SLC4A4: variants seen among roughly 807,000 people sequenced by gnomAD.
SLC4A4 encodes the protein electrogenic sodium bicarbonate cotransporter 1.
SLC4A4 carries 27 observed loss-of-function variants against 111.5 expected under a neutral mutation model. The observed-to-expected ratio is 0.24, with a 90% CI of 0.18 to 0.33. The LOEUF (loss-of-function observed/expected upper bound fraction) is 0.33, where lower values mean the gene tolerates loss of function less well. Ranked by LOEUF, SLC4A4 falls within the 10% of genes least tolerant of loss-of-function variation. SLC4A4 has a pLI of 1.00. For synonymous variants in SLC4A4, 443 were observed against 463.4 expected, an observed-to-expected ratio of 0.96 and a Z score of 0.57; for missense variants, 909 against 1,315.5, an observed-to-expected ratio of 0.69 and a Z score of 4.78.
chr4:71,424,511 A>C (rs1454216055), intron 7 of SLC4A4, among the ~76,000 whole-genome samples: 2 of 152,040 alleles, frequency 1.3e-5, no homozygotes, highest in African/African-American at 4.8e-5. Context: ...AAAGGACTAT[A>C]AATCATGCTG....
chr4:71,152,615 T>G (rs919903904), intron 2 of SLC4A4, among the ~76,000 whole-genome samples: 4 of 152,190 alleles, frequency 2.6e-5, no homozygotes, highest in African/African-American at 9.6e-5. Flanking sequence ...TTCACTATTA[T>G]GACCTGAGGT....
intron 3 of SLC4A4, among the ~76,000 whole-genome samples, chr4:71,336,614 T>C (rs1421408230): frequency 6.6e-6 from 1 of 152,186 alleles, no homozygotes; most frequent in Non-Finnish European, 1.5e-5. Context: ...ACTGTCATGC[T>C]CTCTAAATGT....
intron 16 of SLC4A4, among the ~76,000 whole-genome samples, chr4:71,504,735 T>C (rs983620526): frequency 6.6e-6 from 1 of 151,978 alleles, no homozygotes; most frequent in Non-Finnish European, 1.5e-5. Flanking sequence ...CAACCTCTAT[T>C]CTAATTCAGG....
intron 2 of SLC4A4, among the ~76,000 whole-genome samples, chr4:71,112,042 A>T (rs1419286762): frequency 1.3e-5 from 2 of 152,176 alleles, no homozygotes; most frequent in Non-Finnish European, 2.9e-5. Context: ...TTGACCAAGT[A>T]AGGAGTTGAG....
intron 1 of SLC4A4, among the ~76,000 whole-genome samples, chr4:71,219,171 G>A (rs555149030): frequency 1.3e-5 from 2 of 152,324 alleles, no homozygotes; most frequent in South Asian, 2.1e-4. Flanking sequence ...CATCTCAAAA[G>A]CCAAGATAGG....
At chr4:71,308,916 G>C (rs546979199) in intron 3 of SLC4A4, among the ~76,000 whole-genome samples, 1 of 152,166 alleles carries the variant, frequency 6.6e-6, no homozygotes, top group Non-Finnish European at 1.5e-5. Context: ...TGAAGCCAGG[G>C]AGCCAAGTGA....
chr4:71,413,270 A>C (rs141890237), intron 7 of SLC4A4, among the ~76,000 whole-genome samples: 1 of 152,294 alleles, frequency 6.6e-6, no homozygotes, highest in Non-Finnish European at 1.5e-5. Flanking sequence ...TGCTGGGGCC[A>C]TATGTTCCCT....
At position 71,215,501 on chromosome 4, in the gene SLC4A4, C is replaced by T. The variant is rs188388692; in HGVS notation, c.-1-21075C>T. Among the ~76,000 whole-genome samples the T allele has an allele frequency of 7.5e-4, 114 of 152,334 alleles. 1 individual carries two copies. Among genetic ancestry groups the T allele is most frequent in the Non-Finnish European group, 1.2e-3 (79 of 68,036 alleles). ...GATCCTCCAGGAAGGCTCCATCCAC[C>T]TCGTTCCTTTCCCAGGTTCATAAGG... On this transcript the variant is annotated intron_variant, in intron 1 of 25. Transcript: ENST00000264485.
intron 6 of SLC4A4, among the ~76,000 whole-genome samples, chr4:71,367,379 A>G (rs1731431637): frequency 6.6e-6 from 1 of 152,316 alleles, no homozygotes; most frequent in Admixed American, 6.5e-5. Flanking sequence ...TTTCCTTTGT[A>G]TTATCAGCTT....
intron 1 of SLC4A4, among the ~76,000 whole-genome samples, chr4:71,191,196 A>G (rs998857352): frequency 3.9e-5 from 6 of 152,204 alleles, no homozygotes; most frequent in Admixed American, 1.3e-4. Flanking sequence ...TTGACTTGCA[A>G]TATTTTCAAT....
chr4:71,396,501 C>T (rs1719833013), intron 6 of SLC4A4, among the ~76,000 whole-genome samples: 1 of 152,202 alleles, frequency 6.6e-6, no homozygotes, highest in Admixed American at 6.5e-5. Flanking sequence ...TATGTTAGAA[C>T]TTCGGTGCTT....
intron 18 of SLC4A4, among the ~76,000 whole-genome samples, chr4:71,537,875 C>T (rs572161271): frequency 6.6e-5 from 10 of 152,154 alleles, no homozygotes; most frequent in Admixed American, 2.0e-4. Context: ...AGGATTGGCA[C>T]GGTCTCTCTC....
At chr4:71,309,379 A>G (rs1725952462) in intron 3 of SLC4A4, among the ~76,000 whole-genome samples, 1 of 152,210 alleles carries the variant, frequency 6.6e-6, no homozygotes, top group Non-Finnish European at 1.5e-5. Flanking sequence ...GAGCTCTGCT[A>G]AGGGACAGAC....
intron 2 of SLC4A4, among the ~76,000 whole-genome samples, chr4:71,249,655 G>A (rs548242061): frequency 1.3e-5 from 2 of 152,056 alleles, no homozygotes; most frequent in Non-Finnish European, 2.9e-5. Flanking sequence ...TTGGGAGGCC[G>A]AAGTGAGTGG....
At chr4:71,108,092 C>G (rs748122507) in intron 2 of SLC4A4, among the ~76,000 whole-genome samples, 2 of 152,148 alleles carry the variant, frequency 1.3e-5, no homozygotes, top group Non-Finnish European at 2.9e-5. Context: ...GTTGATGTCA[C>G]AAAATTACAA....
intron 3 of SLC4A4, among the ~76,000 whole-genome samples, chr4:71,277,455 A>G (rs1453674982): frequency 6.6e-6 from 1 of 151,424 alleles, no homozygotes; most frequent in Non-Finnish European, 1.5e-5. Flanking sequence ...GTCTCTTTAT[A>G]TCTTGTGCCC....
intron 20 of SLC4A4, among the ~76,000 whole-genome samples, chr4:71,550,187 T>A (rs1735863341): frequency 6.6e-6 from 1 of 151,968 alleles, no homozygotes; most frequent in Non-Finnish European, 1.5e-5. Context: ...GGCAATATAG[T>A]TTATAGCATA....
chr4:71,068,010 T>A (rs1286569401), intron 1 of SLC4A4, among the ~76,000 whole-genome samples: 2 of 151,646 alleles, frequency 1.3e-5, no homozygotes, highest in South Asian at 4.2e-4. Flanking sequence ...TCGCTTCCCA[T>A]AGTGTTGGGA....
intron 2 of SLC4A4, among the ~76,000 whole-genome samples, chr4:71,243,972 A>G (rs1720440735): frequency 6.6e-6 from 1 of 152,194 alleles, no homozygotes; most frequent in African/African-American, 2.4e-5. Context: ...AAGAGGTTTT[A>G]AATTTTAGTA....
Sources: allele counts gnomAD v4.1 joint callset (sites outside exome capture counted in the v4.1 genomes callset), GRCh38; gene constraint gnomAD v4.1.1; transcripts MANE v1.5; gene names NCBI Gene and HGNC (gene_info 2026-07-23, HGNC 2026-07-21).